SORCS2: variants seen among roughly 807,000 people sequenced by gnomAD.
The protein encoded by SORCS2 is sortilin related VPS10 domain containing receptor 2, also known as VPS10 domain-containing receptor SorCS2.
A neutral mutation model predicts 141.6 loss-of-function variants in SORCS2; 100 were observed. The ratio of observed to expected loss-of-function variants is 0.71; its 90% CI spans 0.60 to 0.83. The LOEUF (loss-of-function observed/expected upper bound fraction) is 0.83, where lower values mean the gene tolerates loss of function less well. Ranked by LOEUF, SORCS2 falls within the 40% of genes least tolerant of loss-of-function variation. SORCS2 has a pLI of 0.00. For synonymous variants in SORCS2, 789 were observed against 676.9 expected (o/e 1.17, Z -2.57); for missense variants, 1,646 against 1,560.2 (o/e 1.05, Z -0.93).
intron 1 of SORCS2, among the ~76,000 whole-genome samples, chr4:7,247,861 G>T (rs1238807350): frequency 6.6e-6 from 1 of 152,264 alleles, no homozygotes; most frequent in Non-Finnish European, 1.5e-5. Context: ...GTGCTGAGCA[G>T]AGGCGGAAGG....
At chr4:7,257,106 G>T (rs185499647) in intron 1 of SORCS2, among the ~76,000 whole-genome samples, 15 of 152,280 alleles carry the variant, frequency 9.9e-5, no homozygotes, top group African/African-American at 3.4e-4. Context: ...AGAGAGAGAA[G>T]GGATATTATT....
At chr4:7,203,006 G>A (rs1727555073) in intron 1 of SORCS2, among the ~76,000 whole-genome samples, 1 of 152,116 alleles carries the variant, frequency 6.6e-6, no homozygotes, top group African/African-American at 2.4e-5. Context: ...TAGATATCAT[G>A]GTTATATGCA....
chr4:7,287,491 G>A (rs895923164), intron 1 of SORCS2, among the ~76,000 whole-genome samples: 6 of 152,236 alleles, frequency 3.9e-5, no homozygotes, highest in African/African-American at 1.4e-4. Flanking sequence ...GTGGGGAGAC[G>A]GGAACCTTGT....
At position 7,734,765 on chromosome 4, in the gene SORCS2, A is replaced by T. The variant is rs182678911; in HGVS notation, c.3311+391A>T. 9.0e-4 allele frequency among the ~76,000 whole-genome samples: 137 copies of T among 152,300 alleles called. 1 individual carries two copies. Among genetic ancestry groups the T allele is most frequent in the African/African-American group, 3.1e-3 (128 of 41,568 alleles). On this transcript the variant is annotated intron_variant, in intron 25 of 26. Transcript: ENST00000507866. ...ACAGACGGCCAGCCTCAGAACTGGG[A>T]CCTGACCCAGGCCCGCCCACATCCC... is the stretch of plus-strand genomic sequence containing the variant.
chr4:7,637,667 G>A (rs764742982), intron 3 of SORCS2, among the ~76,000 whole-genome samples: 2 of 152,184 alleles, frequency 1.3e-5, no homozygotes, highest in Non-Finnish European at 2.9e-5. Flanking sequence ...CCCCCTCCCT[G>A]GTGTGTGGGG....
intron 1 of SORCS2, among the ~76,000 whole-genome samples, chr4:7,379,054 C>T (rs962539359): frequency 6.6e-6 from 1 of 152,190 alleles, no homozygotes; most frequent in East Asian, 1.9e-4. Context: ...GCTGATCACG[C>T]ACATCTAAAG....
intron 3 of SORCS2, among the ~76,000 whole-genome samples, chr4:7,634,788 C>T (rs1720137469): frequency 6.6e-6 from 1 of 152,206 alleles, no homozygotes; most frequent in African/African-American, 2.4e-5. Context: ...AGGGCAGTGC[C>T]ATCAGTGACA....
chr4:7,336,926 G>A (rs1020100312), intron 1 of SORCS2, among the ~76,000 whole-genome samples: 5 of 152,166 alleles, frequency 3.3e-5, no homozygotes, highest in African/African-American at 1.2e-4. Flanking sequence ...GCCGCCCTGA[G>A]CCCCAAGTTC....
intron 2 of SORCS2, among the ~76,000 whole-genome samples, chr4:7,411,759 C>T (rs1361771620): frequency 1.3e-5 from 2 of 152,116 alleles, no homozygotes; most frequent in East Asian, 3.8e-4. Context: ...TGTAATCTAC[C>T]GTATGGTGGG....
At chr4:7,726,270 G>T (rs59076284) in intron 20 of SORCS2, among the ~76,000 whole-genome samples, 1,848 of 152,282 alleles carry the variant, frequency 0.012, 41 homozygotes, top group African/African-American at 0.043. Context: ...AAATGCCCGT[G>T]GGGGGCAGGC....
intron 1 of SORCS2, among the ~76,000 whole-genome samples, chr4:7,365,861 C>T (rs1031381796): frequency 1.3e-5 from 2 of 152,210 alleles, no homozygotes; most frequent in African/African-American, 2.4e-5. Context: ...TCACAGCCAC[C>T]GCCATCTGTC....
At chr4:7,231,373 C>T (rs1290390718) in intron 1 of SORCS2, among the ~76,000 whole-genome samples, 5 of 152,216 alleles carry the variant, frequency 3.3e-5, no homozygotes, top group South Asian at 4.1e-4. Flanking sequence ...TTCAAATACA[C>T]CCCTGCAGAA....
At chr4:7,700,619 C>G (rs1725000419) in intron 12 of SORCS2, among the ~76,000 whole-genome samples, 1 of 152,230 alleles carries the variant, frequency 6.6e-6, no homozygotes, top group Non-Finnish European at 1.5e-5. Flanking sequence ...ATGAATGTAG[C>G]CATAGGCATT....
chr4:7,481,749 G>A (rs538168543), intron 2 of SORCS2, among the ~76,000 whole-genome samples: 1 of 152,246 alleles, frequency 6.6e-6, no homozygotes, highest in East Asian at 1.9e-4. Flanking sequence ...ACACAGAGCT[G>A]GGTGTCCTGG....
In SORCS2 at chr4:7,734,360, C is replaced by G; in HGVS notation, c.3297C>G (p.Leu1099=). ...TCTTCGCAGCGGGAGCCTTCATCCTCTACAAGTTCAAAAGGCAAGGCCCTT... is the reference window on the plus strand; with the variant it reads ...TCTTCGCAGCGGGAGCCTTCATCCTGTACAAGTTCAAAAGGCAAGGCCCTT... ...IGLFAAGAFI[L]YKFKRKRPGR... The change falls in exon 25 of 27, where the codon CTC becomes CTG. Residue 1099 remains leucine, a synonymous_variant. Coordinates refer to ENST00000507866, the MANE Select transcript of SORCS2 (RefSeq NM_020777.3). The G allele has an allele frequency of 1.3e-6, 2 of 1,564,228 alleles. No individual in the cohort carries two copies. Among genetic ancestry groups the G allele is most frequent in the South Asian group, 2.4e-5 (2 of 81,842 alleles).
chr4:7,613,605 C>T (rs1027414094), intron 3 of SORCS2, among the ~76,000 whole-genome samples: 2 of 152,188 alleles, frequency 1.3e-5, no homozygotes, highest in African/African-American at 4.8e-5. Context: ...TCACATGGCT[C>T]ACCAAGAATG....
At chr4:7,281,681 C>G (rs1715893428) in intron 1 of SORCS2, among the ~76,000 whole-genome samples, 1 of 152,194 alleles carries the variant, frequency 6.6e-6, no homozygotes, top group Non-Finnish European at 1.5e-5. Context: ...TGGCCAAACC[C>G]TAGCCTTGAT....
intron 1 of SORCS2, among the ~76,000 whole-genome samples, chr4:7,199,247 G>A (rs767792663): frequency 2.6e-5 from 4 of 152,208 alleles, no homozygotes; most frequent in East Asian, 1.9e-4. Flanking sequence ...GGTCCAAAGC[G>A]GGGTGGGGGC....
chr4:7,402,591 A>G (rs890150668), intron 2 of SORCS2, among the ~76,000 whole-genome samples: 2 of 152,194 alleles, frequency 1.3e-5, no homozygotes, highest in African/African-American at 2.4e-5. Flanking sequence ...TGCCACTCCA[A>G]TCAGGGCTGC....
Sources: allele counts gnomAD v4.1 joint callset (sites outside exome capture counted in the v4.1 genomes callset), GRCh38; gene constraint gnomAD v4.1.1; transcripts MANE v1.5; gene names NCBI Gene and HGNC (gene_info 2026-07-23, HGNC 2026-07-21).